The following STX12 variants were observed in gnomAD, a reference collection of about 807,000 sequenced individuals.
STX12 encodes syntaxin-12.
In STX12, 17 loss-of-function variants were observed where a neutral mutation model predicts 42.2. That is an observed-to-expected ratio of 0.40 (90% CI 0.28 to 0.60). The LOEUF (loss-of-function observed/expected upper bound fraction) is 0.60, where lower values mean the gene tolerates loss of function less well. Ranked by LOEUF, STX12 falls within the 20% of genes least tolerant of loss-of-function variation. STX12 has a pLI of 0.39. For synonymous variants in STX12, 108 were observed against 116.7 expected, an observed-to-expected ratio of 0.93 and a Z score of 0.48; for missense variants, 297 against 330.9, an observed-to-expected ratio of 0.90 and a Z score of 0.79.
chr1:27,817,829 A>C, intron 6 of STX12, 22 bp from the exon 7 acceptor site: 4 of 1,609,572 alleles, frequency 2.5e-6, no homozygotes, highest in Non-Finnish European at 3.4e-6. Context: ...AATGTTAGTT[A>C]ATTGTTTTTT....
intron 4 of STX12, among the ~76,000 whole-genome samples, chr1:27,807,724 G>A (rs1373145754): frequency 1.3e-5 from 2 of 152,214 alleles, no homozygotes; most frequent in East Asian, 1.9e-4. Context: ...ATACCAGGAT[G>A]TATGTACAAG....
intron 1 of STX12, among the ~76,000 whole-genome samples, chr1:27,782,144 C>G (rs6685048): frequency 0.025 from 3,838 of 152,226 alleles, 136 homozygotes; most frequent in African/African-American, 0.086. Flanking sequence ...CTCTGTCACC[C>G]AGGATGTGCC....
chr1:27,794,341 G>A (rs909272507), intron 3 of STX12, among the ~76,000 whole-genome samples: 1 of 152,002 alleles, frequency 6.6e-6, no homozygotes. Context: ...AGTTTGTTTT[G>A]TATCCATTAT....
chr1:27,773,267 T>A lies in STX12; in HGVS notation c.-41T>A, dbSNP rs747166218. On this transcript the variant is annotated 5_prime_UTR_variant, in exon 1 of 9. Coordinates refer to ENST00000373943, the MANE Select transcript of STX12 (RefSeq NM_177424.3). The stretch of plus-strand genomic sequence containing the variant: ...GGTCCCGGCTGGCGGCTGCTTCCGG[T>A]AGGAGAGCGGTGTAGAGCGAGCAGG... 7.3e-7 allele frequency: 1 copy of A among 1,374,656 alleles called. No homozygotes were observed. 85.2% of individuals were successfully genotyped at this position (1,374,656 alleles called of 1,614,324 possible).
At chr1:27,815,081 G>A (rs1571532832) in intron 6 of STX12, among the ~76,000 whole-genome samples, 1 of 152,148 alleles carries the variant, frequency 6.6e-6, no homozygotes, top group African/African-American at 2.4e-5. Flanking sequence ...AAATAGTAAT[G>A]TAACATTATA....
intron 4 of STX12, 189 bp downstream of exon 4, chr1:27,802,004 G>A (rs1427660411): frequency 2.1e-6 from 1 of 486,282 alleles, no homozygotes; most frequent in Non-Finnish European, 3.4e-6. Flanking sequence ...CTGAATGAAG[G>A]TTAAGAGATA....
chr1:27,793,783 A>G, intron 3 of STX12, 151 bp downstream of exon 3: 1 of 608,974 alleles, frequency 1.6e-6, no homozygotes, highest in African/African-American at 1.8e-5. Flanking sequence ...AGTGGGGGAT[A>G]TGTGACTGTT....
intron 8 of STX12, chr1:27,820,462 C>A (rs1201234969): frequency 6.6e-6 from 1 of 152,162 alleles, no homozygotes; most frequent in Non-Finnish European, 1.5e-5. Flanking sequence ...TTATAGGTTG[C>A]CTGTTCACTC....
At chr1:27,793,994 G>GT (rs57655012) in intron 3 of STX12, among the ~76,000 whole-genome samples, 19,006 of 142,708 alleles carry the variant, frequency 0.13, 2,594 homozygotes, top group African/African-American at 0.35. Flanking sequence ...CTTTCTCCTA[G>GT]TTTTTTTTTT....
chr1:27,810,302 T>G lies in STX12; in HGVS notation c.470+13T>G. ...TCTCATTTGACAGGTAATAGAATTA[T>G]TCATACAACCTGCTGGATAGTTGAG... On this transcript the variant is annotated intron_variant, in intron 5 of 8. Transcript: ENST00000373943. 1.2e-6 allele frequency: 2 copies of G among 1,609,322 alleles called. No individual in the cohort carries two copies. The highest frequency in any genetic ancestry group is 1.7e-6 in the Non-Finnish European group (2 of 1,176,058).
chr1:27,784,276 AGT>A (rs2088686731), intron 1 of STX12, among the ~76,000 whole-genome samples: 1 of 152,146 alleles, frequency 6.6e-6, no homozygotes, highest in Admixed American at 6.6e-5. Context: ...GCTGGAGTGC[AGT>A]GGCATGATCA....
At chr1:27,817,594 G>A (rs2088952180) in intron 6 of STX12, among the ~76,000 whole-genome samples, 1 of 152,198 alleles carries the variant, frequency 6.6e-6, no homozygotes, top group Non-Finnish European at 1.5e-5. Context: ...GCCTTCTGCT[G>A]TACTGTTTGG....
intron 7 of STX12, 97 bp downstream of exon 7, chr1:27,818,020 A>G (rs1018905109): frequency 2.9e-6 from 3 of 1,022,514 alleles, no homozygotes; most frequent in Non-Finnish European, 3.0e-6. Flanking sequence ...CTGAAGCACC[A>G]TCTAGGAGTT....
chr1:27,783,199 C>G (rs1434052456), intron 1 of STX12, among the ~76,000 whole-genome samples: 7 of 152,142 alleles, frequency 4.6e-5, no homozygotes, highest in Non-Finnish European at 8.8e-5. Flanking sequence ...AGAGTAGTTC[C>G]TAGTGTGGAT....
chr1:27,777,254 C>T (rs2088633577), intron 1 of STX12, among the ~76,000 whole-genome samples: 1 of 152,092 alleles, frequency 6.6e-6, no homozygotes, highest in Non-Finnish European at 1.5e-5. Flanking sequence ...GAGGAGCTGA[C>T]ATTTGAGTGA....
At chr1:27,796,758 G>A (rs1181587357) in intron 3 of STX12, among the ~76,000 whole-genome samples, 2 of 149,880 alleles carry the variant, frequency 1.3e-5, no homozygotes, top group Non-Finnish European at 3.0e-5. Flanking sequence ...GCTGGACTGC[G>A]CAAATGGTGC....
At chr1:27,796,810 A>C (rs542012243) in intron 3 of STX12, among the ~76,000 whole-genome samples, 2 of 151,816 alleles carry the variant, frequency 1.3e-5, no homozygotes, top group Admixed American at 6.6e-5. Context: ...GGTTCAAGCA[A>C]TTCTCCTGCC....
intron 2 of STX12, among the ~76,000 whole-genome samples, chr1:27,790,708 G>A (rs889019553): frequency 1.3e-4 from 20 of 152,160 alleles, no homozygotes; most frequent in African/African-American, 4.8e-4. Context: ...TTGGGAGGCT[G>A]AGGCGGGCAG....
Position 27,822,274 on chromosome 1 carries a change from C to T in STX12, c.776C>T (p.Ser259Leu), listed in dbSNP as rs771955408. Residue 259 changes from serine (S) to leucine (L), a missense_variant, in exon 9 of 9, where the codon TCA becomes TTA. Ser to Leu is a moderately radical substitution (Grantham distance 145). Transcript: ENST00000373943. ...ATGTGTATCCTGGTGCTTGTCCTGT[C>T]AGTGATTATTCTAATCTTGGGACTT... Reference protein sequence around the residue: ...KKMCILVLVLSVIILILGLII... With the variant: ...KKMCILVLVLLVIILILGLII... 3.1e-6 allele frequency: 5 copies of T among 1,613,730 alleles called. No individual in the cohort carries two copies. The South Asian group carries it at 5.5e-5, about 18-fold the overall frequency.
Sources: gnomAD v4.1 joint callset for allele counts (sites outside exome capture counted in the v4.1 genomes callset) on GRCh38, gnomAD v4.1.1 for gene constraint, MANE v1.5 for transcripts, NCBI Gene and HGNC (gene_info 2026-07-23, HGNC 2026-07-21) for gene names.